The following ZFYVE1 variants were observed in gnomAD, a reference collection of about 807,000 sequenced individuals.
The protein encoded by ZFYVE1 is zinc finger FYVE-type containing 1.
Under a neutral mutation model 74.4 loss-of-function variants are expected in ZFYVE1, and 30 were observed. The ratio of observed to expected loss-of-function variants is 0.40; its 90% CI spans 0.30 to 0.55. The LOEUF (loss-of-function observed/expected upper bound fraction) is 0.55. Ranked by LOEUF, ZFYVE1 falls within the 20% of genes least tolerant of loss-of-function variation. The pLI, the probability that ZFYVE1 is intolerant of heterozygous loss-of-function variation, is 0.42. For synonymous variants in ZFYVE1, 335 were observed against 385.1 expected, an observed-to-expected ratio of 0.87 and a Z score of 1.52; for missense variants, 703 against 1,011.6, an observed-to-expected ratio of 0.69 and a Z score of 4.14.
At chr14:72,978,611 T>A (rs905881724) in intron 6 of ZFYVE1, among the ~76,000 whole-genome samples, 35 of 126,212 alleles carry the variant, frequency 2.8e-4, no homozygotes, top group East Asian at 4.4e-4. Flanking sequence ...GAATGTTCGA[T>A]ATAAATTACC....
intron 5 of ZFYVE1, among the ~76,000 whole-genome samples, chr14:72,980,398 C>T (rs553248442): frequency 4.3e-4 from 65 of 152,190 alleles, no homozygotes; most frequent in African/African-American, 1.4e-3. Context: ...CATCTGACCT[C>T]GACACACTGC....
intron 4 of ZFYVE1, 51 bp from the exon 5 acceptor site, chr14:72,981,946 A>G: frequency 6.7e-7 from 1 of 1,482,374 alleles, no homozygotes; most frequent in Non-Finnish European, 9.3e-7. Context: ...AGAGCTCCGC[A>G]CTTTGGCCCC....
chr14:73,012,499 G>A (rs924355329), intron 2 of ZFYVE1, among the ~76,000 whole-genome samples: 1 of 152,170 alleles, frequency 6.6e-6, no homozygotes, highest in Non-Finnish European at 1.5e-5. Context: ...GTGTGTGCCT[G>A]TAGTCCCAGC....
chr14:73,012,450 T>C (rs1353339856), intron 2 of ZFYVE1, among the ~76,000 whole-genome samples: 2 of 152,116 alleles, frequency 1.3e-5, no homozygotes, highest in East Asian at 3.9e-4. Context: ...CATGAAACCC[T>C]GTCTTTACTA....
At chr14:73,020,344 G>C (rs1894292134) in intron 2 of ZFYVE1, among the ~76,000 whole-genome samples, 1 of 150,490 alleles carries the variant, frequency 6.6e-6, no homozygotes, top group South Asian at 2.1e-4. Flanking sequence ...ACTGTTTTTT[G>C]TTTGTTTCTT....
At chr14:72,982,329 A>C (rs969416231) in intron 4 of ZFYVE1, among the ~76,000 whole-genome samples, 1 of 152,136 alleles carries the variant, frequency 6.6e-6, no homozygotes, top group Non-Finnish European at 1.5e-5. Context: ...CTATAACCAC[A>C]GGCACTTACT....
At chr14:73,007,879 C>T (rs979337874) in intron 2 of ZFYVE1, among the ~76,000 whole-genome samples, 1 of 152,210 alleles carries the variant, frequency 6.6e-6, no homozygotes, top group Non-Finnish European at 1.5e-5. Context: ...TATCCACGTA[C>T]ATGTTGCTAG....
At position 72,981,841 on chromosome 14, in the gene ZFYVE1, A is replaced by T; in HGVS notation, c.1258T>A (p.Ser420Thr). 1 of 1,614,098 alleles carries T rather than the reference A, an allele frequency of 6.2e-7. No homozygotes were observed. Among genetic ancestry groups the T allele is most frequent in the Admixed American group, 1.7e-5 (1 of 59,998 alleles). Residue 420 changes from serine to threonine, a missense_variant, in exon 5 of 12, where the codon TCC (serine) becomes ACC (threonine). By Grantham distance (58) the Ser-to-Thr change is moderately conservative. Transcript: ENST00000556143. ...EIPDDQMAHSSFFPDEYFTCS... is the reference protein window; with the variant it reads ...EIPDDQMAHSTFFPDEYFTCS... ...GTGAAATACTCATCTGGAAAAAAGG[A>T]GCTGTGCGCCATCTGGTCATCGGGG...
chr14:73,001,051 A>C (rs12880210), intron 2 of ZFYVE1, among the ~76,000 whole-genome samples: 26,116 of 152,192 alleles, frequency 0.17, 2,392 homozygotes, highest in South Asian at 0.23. Flanking sequence ...TCCTCCTTTC[A>C]GTCTTCCTAA....
chr14:73,020,210 G>C (rs1014215575), intron 2 of ZFYVE1, among the ~76,000 whole-genome samples: 1 of 142,042 alleles, frequency 7.0e-6, no homozygotes, highest in Non-Finnish European at 1.5e-5. Flanking sequence ...AGCCAAGATT[G>C]TGCCATCACA....
Position 73,024,554 on chromosome 14 carries a change from G to A in ZFYVE1, c.-46C>T, listed in dbSNP as rs1258264282. ...ACACCCACCATATAATAGTCACTGA[G>A]CTTGCCCCGGGGGTGAAGACGAAGA... is the stretch of plus-strand genomic sequence containing the variant. On this transcript the variant is annotated 5_prime_UTR_variant, in exon 2 of 12. Coordinates refer to ENST00000556143, the MANE Select transcript of ZFYVE1 (RefSeq NM_021260.4). 3.9e-6 allele frequency: 6 copies of A among 1,533,992 alleles called. No homozygotes were observed. The Admixed American group carries it at 1.2e-4, about 32-fold the overall frequency.
chr14:72,992,923 C>T (rs112796265), intron 4 of ZFYVE1, among the ~76,000 whole-genome samples: 4 of 152,214 alleles, frequency 2.6e-5, no homozygotes, highest in African/African-American at 9.6e-5. Context: ...AGCTGAGGAC[C>T]GGGCACTTTT....
At chr14:73,017,135 AG>A (rs1307732019) in intron 2 of ZFYVE1, among the ~76,000 whole-genome samples, 2 of 152,176 alleles carry the variant, frequency 1.3e-5, no homozygotes, top group East Asian at 3.8e-4. Flanking sequence ...AGAAAAAAAA[AG>A]ATGAAGGAAA....
At chr14:73,011,974 G>T (rs1894101022) in intron 2 of ZFYVE1, among the ~76,000 whole-genome samples, 2 of 151,712 alleles carry the variant, frequency 1.3e-5, no homozygotes. Flanking sequence ...CCAGCTCTTT[G>T]GGAGGCCGAG....
rs374360602 is a variant in ZFYVE1 at position 73,026,761 on chromosome 14, A to C, written c.-435+165T>G. ...CCCCCAAAATCCCCCCCACGCCGGC[A>C]AAACCCGGAGCCGAATCCATTGTTT... On this transcript the variant is annotated intron_variant, in intron 1 of 11. Coordinates refer to ENST00000556143, the MANE Select transcript of ZFYVE1 (RefSeq NM_021260.4). 8.5e-3 allele frequency among the ~76,000 whole-genome samples: 1,137 copies of C among 133,116 alleles called. 17 individuals are homozygous for C. The highest frequency in any genetic ancestry group is 0.031 in the African/African-American group (1,076 of 35,052). 87.3% of individuals were successfully genotyped at this position (133,116 alleles called of 152,430 possible). A position where few individuals can be genotyped will look rare whatever the true frequency, so the allele number is the denominator to read the frequency against.
chr14:73,004,146 G>A (rs1893930880), intron 2 of ZFYVE1, among the ~76,000 whole-genome samples: 1 of 152,150 alleles, frequency 6.6e-6, no homozygotes, highest in Admixed American at 6.6e-5. Flanking sequence ...CAGCCAGCCT[G>A]GTTCCAAGCT....
chr14:72,978,952 C>T lies in ZFYVE1; in HGVS notation c.1328G>A (p.Ser443Asn). ...CACTCCTTCCTTCCCATGATTCATG[C>T]TTTTCTTACATCCAACCCTGAATGA... ...CLSCGVGCKK[S>N]MNHGKEGVPH... is the part of the protein sequence containing the mutation. Residue 443 changes from serine (S) to asparagine (N), a missense_variant, in exon 6 of 12, where the codon AGC becomes AAC. By Grantham distance (46) the Ser-to-Asn change is conservative (BLOSUM62 1). This residue lies in a region of ZFYVE1 where 492 missense variants were observed against 790.0 expected (regional missense o/e 0.62). Coordinates refer to ENST00000556143, the MANE Select transcript of ZFYVE1 (RefSeq NM_021260.4). The T allele has an allele frequency of 6.2e-7, 1 of 1,613,896 alleles. No individual in the cohort carries two copies. Among genetic ancestry groups the T allele is most frequent in the Non-Finnish European group, 8.5e-7 (1 of 1,179,832 alleles).
chr14:73,021,686 T>C (rs1894322291), intron 2 of ZFYVE1, among the ~76,000 whole-genome samples: 1 of 152,202 alleles, frequency 6.6e-6, no homozygotes, highest in South Asian at 2.1e-4. Context: ...TTGCAGTTAA[T>C]AAACTGTTAT....
At position 72,969,537 on chromosome 14, in the gene ZFYVE1, G is replaced by C; in HGVS notation, c.*1345C>G. 1.7e-6 allele frequency: 1 copy of C among 602,490 alleles called. No individual in the cohort carries two copies. The allele number at this position is 602,490 out of a possible 1,614,324, so 37.3% of individuals were successfully genotyped here. On this transcript the variant is annotated 3_prime_UTR_variant, in exon 12 of 12. Transcript: ENST00000556143. The stretch of plus-strand genomic sequence containing the variant: ...GTCACTGGACCCCAGGAGGCAGGAG[G>C]AGCAGGGCTGAGAGGGACGACACAC...
Sources: allele counts gnomAD v4.1 joint callset (sites outside exome capture counted in the v4.1 genomes callset), GRCh38; gene constraint gnomAD v4.1.1; regional missense constraint gnomAD v4.1.1; transcripts MANE v1.5; gene names NCBI Gene and HGNC (gene_info 2026-07-23, HGNC 2026-07-21).